Variants in CWC27 observed in about 807,000 individuals in gnomAD.
The protein encoded by CWC27 is CWC27 spliceosome associated cyclophilin, also known as spliceosome-associated protein CWC27 homolog.
A neutral mutation model predicts 63.6 loss-of-function variants in CWC27; 47 were observed. The observed-to-expected ratio is 0.74, with a 90% CI of 0.58 to 0.94. CWC27 has a LOEUF of 0.94. Among genes scored for constraint, CWC27 ranks in the 40% least tolerant of loss-of-function variants. The pLI is 0.00. For synonymous variants in CWC27, 175 were observed against 179.8 expected, an observed-to-expected ratio of 0.97 and a Z score of 0.22; for missense variants, 495 against 554.3, an observed-to-expected ratio of 0.89 and a Z score of 1.07.
intron 10 of CWC27, among the ~76,000 whole-genome samples, chr5:64,878,561 T>C (rs1442569346): frequency 6.8e-6 from 1 of 147,100 alleles, no homozygotes; most frequent in Non-Finnish European, 1.5e-5. Flanking sequence ...TTGCATATTA[T>C]ATATGTTGAA....
At chr5:64,885,401 C>G (rs1007867628) in intron 10 of CWC27, 42 bp from the exon 11 acceptor site, 2 of 1,377,486 alleles carry the variant, frequency 1.5e-6, no homozygotes, top group Admixed American at 2.5e-5. Flanking sequence ...AACTTTTACT[C>G]TCAATATATT....
chr5:64,778,579 T>A (rs1743542614), intron 2 of CWC27, among the ~76,000 whole-genome samples: 1 of 152,186 alleles, frequency 6.6e-6, no homozygotes, highest in Admixed American at 6.5e-5. Flanking sequence ...CTTGAAAATG[T>A]GTAGTTTGCT....
intron 11 of CWC27, among the ~76,000 whole-genome samples, chr5:64,906,697 G>A (rs10805391): frequency 0.3 from 45,352 of 151,740 alleles, 7,084 homozygotes; most frequent in East Asian, 0.52. Context: ...TGTCTATTTT[G>A]GCTTTTGTTG....
intron 11 of CWC27, among the ~76,000 whole-genome samples, chr5:64,969,306 T>G (rs1417689829): frequency 2.0e-5 from 3 of 152,220 alleles, no homozygotes; most frequent in Non-Finnish European, 4.4e-5. Flanking sequence ...AAAGAACTTG[T>G]CCTTTCTCTT....
At chr5:64,800,662 C>T (rs1744457074) in intron 8 of CWC27, among the ~76,000 whole-genome samples, 1 of 152,090 alleles carries the variant, frequency 6.6e-6, no homozygotes, top group Admixed American at 6.6e-5. Flanking sequence ...GCATTTTTGC[C>T]TTAATTGTAT....
At chr5:64,838,907 G>A (rs1390902639) in intron 10 of CWC27, among the ~76,000 whole-genome samples, 1 of 151,964 alleles carries the variant, frequency 6.6e-6, no homozygotes, top group East Asian at 1.9e-4. Flanking sequence ...TCTGCTTAGG[G>A]GATTTATGAA....
intron 11 of CWC27, among the ~76,000 whole-genome samples, chr5:64,926,411 GTAAGACC>G (rs1453362156): frequency 6.6e-6 from 1 of 151,124 alleles, no homozygotes; most frequent in Non-Finnish European, 1.5e-5. Flanking sequence ...AGTCATATCA[GTAAGACC>G]TATTTTGCCC....
intron 11 of CWC27, among the ~76,000 whole-genome samples, chr5:64,932,603 G>C (rs538441496): frequency 6.6e-6 from 1 of 152,262 alleles, no homozygotes; most frequent in African/African-American, 2.4e-5. Context: ...AAAATGCCCA[G>C]CTATAGGAGG....
chr5:64,983,990 C>A (rs1025320893), intron 13 of CWC27, among the ~76,000 whole-genome samples: 1 of 152,020 alleles, frequency 6.6e-6, no homozygotes, highest in African/African-American at 2.4e-5. Flanking sequence ...CACCACCACG[C>A]CCGGCTAATT....
chr5:64,885,840 C>T (rs1433433964), intron 11 of CWC27, among the ~76,000 whole-genome samples: 1 of 151,626 alleles, frequency 6.6e-6, no homozygotes, highest in East Asian at 1.9e-4. Context: ...AACTATTGTT[C>T]TTAAGTAACC....
At chr5:64,834,989 A>G (rs62369320) in intron 10 of CWC27, among the ~76,000 whole-genome samples, 3,689 of 151,920 alleles carry the variant, frequency 0.024, 72 homozygotes, top group Non-Finnish European at 0.042. Flanking sequence ...CCTCTTACAT[A>G]GTATAGAAAC....
intron 11 of CWC27, among the ~76,000 whole-genome samples, chr5:64,890,585 A>G (rs570603031): frequency 4.9e-4 from 74 of 151,652 alleles, no homozygotes; most frequent in African/African-American, 1.7e-3. Context: ...TATCAGACCT[A>G]TTTTTCTTCG....
intron 12 of CWC27, among the ~76,000 whole-genome samples, chr5:64,973,330 T>C (rs960624114): frequency 5.9e-5 from 9 of 152,168 alleles, no homozygotes; most frequent in African/African-American, 2.2e-4. Context: ...GGCTGCAATA[T>C]GGAGATTAGA....
At chr5:64,910,548 C>T (rs1747762994) in intron 11 of CWC27, among the ~76,000 whole-genome samples, 1 of 152,222 alleles carries the variant, frequency 6.6e-6, no homozygotes, top group South Asian at 2.1e-4. Context: ...CTATGCCCTG[C>T]CCCCAGAGGT....
chr5:64,878,470 TAAAAAAAAAA>T (rs397998002), intron 10 of CWC27, among the ~76,000 whole-genome samples: 19 of 26,936 alleles, frequency 7.1e-4, no homozygotes, highest in African/African-American at 1.5e-3. Flanking sequence ...GGTTACAGAT[TAAAAAAAAAA>T]AAAAAAAAAA....
intron 7 of CWC27, among the ~76,000 whole-genome samples, chr5:64,791,995 C>T (rs535779825): frequency 5.3e-5 from 8 of 152,210 alleles, no homozygotes; most frequent in African/African-American, 1.9e-4. Flanking sequence ...GTGTGGTAGT[C>T]TATAGACCAG....
chr5:64,988,750 T>C (rs907441367), intron 13 of CWC27, among the ~76,000 whole-genome samples: 2 of 151,886 alleles, frequency 1.3e-5, no homozygotes, highest in Admixed American at 6.6e-5. Flanking sequence ...ATTATAGGCA[T>C]GCGCCACCGC....
At chr5:64,769,865 G>A (rs1743180659) in intron 1 of CWC27, among the ~76,000 whole-genome samples, 1 of 152,172 alleles carries the variant, frequency 6.6e-6, no homozygotes, top group Non-Finnish European at 1.5e-5. Flanking sequence ...AATGGGGAAA[G>A]GTTTCTCTGA....
chr5:64,787,888 AT>A (rs1416612771), intron 6 of CWC27, among the ~76,000 whole-genome samples: 4 of 152,124 alleles, frequency 2.6e-5, no homozygotes, highest in African/African-American at 9.7e-5. Flanking sequence ...TAAAATGGAG[AT>A]TAGAATAAGT....
Sources: allele counts gnomAD v4.1 joint callset (sites outside exome capture counted in the v4.1 genomes callset), GRCh38; gene constraint gnomAD v4.1.1; transcripts MANE v1.5; gene names NCBI Gene and HGNC (gene_info 2026-07-23, HGNC 2026-07-21).